Variants in TERB2 observed in about 807,000 individuals in gnomAD.
TERB2 encodes telomere repeats-binding bouquet formation protein 2.
Under a neutral mutation model 29.8 loss-of-function variants are expected in TERB2, and 26 were observed. The ratio of observed to expected loss-of-function variants is 0.87; its 90% CI spans 0.64 to 1.21. TERB2 has a LOEUF of 1.21. Among genes scored for constraint, TERB2 ranks in the 50% most tolerant of loss-of-function variants. TERB2 has a pLI of 0.00. For missense variants in TERB2, 240 were observed against 268.6 expected (o/e 0.89, Z 0.74); for synonymous variants, 80 against 90.8 (o/e 0.88, Z 0.68).
At chr15:44,969,740 G>A (rs1891941454) in intron 5 of TERB2, among the ~76,000 whole-genome samples, 1 of 151,116 alleles carries the variant, frequency 6.6e-6, no homozygotes, top group Non-Finnish European at 1.5e-5. Flanking sequence ...TTTGCAGTGA[G>A]CTATCTATGG....
intron 6 of TERB2, among the ~76,000 whole-genome samples, chr15:44,975,507 GA>G (rs2141245428): frequency 6.6e-6 from 1 of 152,094 alleles, no homozygotes; most frequent in African/African-American, 2.4e-5. Context: ...TTAAATTTCT[GA>G]AAATAGAATT....
intron 5 of TERB2, among the ~76,000 whole-genome samples, chr15:44,967,118 A>G (rs1295556861): frequency 1.3e-5 from 2 of 152,242 alleles, no homozygotes; most frequent in Non-Finnish European, 2.9e-5. Context: ...CAAGAAATTA[A>G]TTTAAAAAGA....
chr15:44,973,100 C>G (rs1017117750), intron 5 of TERB2, among the ~76,000 whole-genome samples: 1 of 151,824 alleles, frequency 6.6e-6, no homozygotes, highest in Admixed American at 6.6e-5. Context: ...AGGCTGGTCT[C>G]GAACTCCTGA....
chr15:44,977,299 A>G (rs1892060678), intron 6 of TERB2, among the ~76,000 whole-genome samples: 1 of 152,196 alleles, frequency 6.6e-6, no homozygotes, highest in Non-Finnish European at 1.5e-5. Flanking sequence ...ATTTCATCCT[A>G]AAGTCCTTAA....
chr15:44,959,939 C>T (rs992359714), intron 3 of TERB2, among the ~76,000 whole-genome samples: 12 of 152,278 alleles, frequency 7.9e-5, no homozygotes, highest in African/African-American at 2.9e-4. Flanking sequence ...TGGTTCCTTC[C>T]ATAGTCAATG....
Position 44,978,788 on chromosome 15 carries a change from T to C in TERB2, c.*160T>C, listed in dbSNP as rs1892082890. On this transcript the variant is annotated 3_prime_UTR_variant, in exon 7 of 7. Coordinates refer to ENST00000340827, the MANE Select transcript of TERB2 (RefSeq NM_152448.3). Reference sequence around the variant, plus strand: ...TTTAGGAAATACAGAATCATTTTGGTTCTGTGTTTTGACATTTTTCCCCTA... The same window carrying C: ...TTTAGGAAATACAGAATCATTTTGGCTCTGTGTTTTGACATTTTTCCCCTA... 1.9e-6 allele frequency: 2 copies of C among 1,038,242 alleles called. No homozygotes were observed. The highest frequency in any genetic ancestry group is 7.1e-5 in the South Asian group (2 of 28,158). 64.3% of individuals were successfully genotyped at this position (1,038,242 alleles called of 1,614,324 possible).
At chr15:44,976,590 G>T (rs1468857916) in intron 6 of TERB2, among the ~76,000 whole-genome samples, 1 of 152,150 alleles carries the variant, frequency 6.6e-6, no homozygotes, top group Non-Finnish European at 1.5e-5. Context: ...TATGCCATTG[G>T]TTATACAGAT....
intron 5 of TERB2, chr15:44,970,597 T>A (rs1300630737): frequency 1.2e-5 from 2 of 164,486 alleles, no homozygotes; most frequent in Non-Finnish European, 2.7e-5. Flanking sequence ...GTCTTCCTCA[T>A]ACAGATAGGT....
intron 4 of TERB2, among the ~76,000 whole-genome samples, chr15:44,963,760 T>C (rs976951387): frequency 2.7e-5 from 4 of 150,728 alleles, no homozygotes; most frequent in African/African-American, 9.9e-5. Context: ...ATGTTAACAC[T>C]TTGTGAATCT....
chr15:44,977,709 T>A (rs1892066153), intron 6 of TERB2, among the ~76,000 whole-genome samples: 1 of 152,230 alleles, frequency 6.6e-6, no homozygotes, highest in African/African-American at 2.4e-5. Context: ...GATATCCTGT[T>A]GATCTTGATG....
In TERB2 at chr15:44,956,996, C is replaced by T; in HGVS notation, c.146+19C>T. ...CGCTGAGGTACTGAGGGCGACCTGG[C>T]AGTGCCTCTTATGTTAGGATGAGCC... On this transcript the variant is annotated intron_variant, in intron 2 of 6. Coordinates refer to ENST00000340827, the MANE Select transcript of TERB2 (RefSeq NM_152448.3). 1 of 1,602,902 alleles carries T rather than the reference C, an allele frequency of 6.2e-7. No individual in the cohort carries two copies. The highest frequency in any genetic ancestry group is 1.1e-5 in the South Asian group (1 of 90,848).
intron 3 of TERB2, among the ~76,000 whole-genome samples, chr15:44,960,470 T>G (rs1209897917): frequency 6.6e-6 from 1 of 152,190 alleles, no homozygotes; most frequent in Non-Finnish European, 1.5e-5. Flanking sequence ...CCCCTGTGAA[T>G]AGCCACTGCA....
intron 4 of TERB2, among the ~76,000 whole-genome samples, chr15:44,963,533 A>G (rs1458631325): frequency 1.3e-5 from 2 of 152,076 alleles, no homozygotes; most frequent in Admixed American, 1.3e-4. Flanking sequence ...AGACATTTGG[A>G]GAGCAATTGG....
intron 3 of TERB2, among the ~76,000 whole-genome samples, chr15:44,960,190 G>C (rs532943144): frequency 3.3e-5 from 5 of 152,266 alleles, no homozygotes; most frequent in Non-Finnish European, 7.4e-5. Context: ...ATGTTAACAT[G>C]TATTTAAATT....
At chr15:44,956,867 A>G in intron 1 of TERB2, 29 bp from the exon 2 acceptor site, 1 of 1,612,342 alleles carries the variant, frequency 6.2e-7, no homozygotes, top group Non-Finnish European at 8.5e-7. Context: ...GGTGCTTGAT[A>G]GGTTCACCCT....
intron 4 of TERB2, among the ~76,000 whole-genome samples, chr15:44,964,899 C>T (rs1233738997): frequency 2.0e-5 from 3 of 151,800 alleles, no homozygotes; most frequent in Admixed American, 1.3e-4. Flanking sequence ...CAGTGGGTCG[C>T]GCCTGTAATC....
intron 5 of TERB2, chr15:44,971,296 A>G (rs1457055995): frequency 1.3e-5 from 2 of 152,182 alleles, no homozygotes; most frequent in African/African-American, 2.4e-5. Flanking sequence ...CCTCCACTTA[A>G]CCAGCGAAAG....
At chr15:44,975,005 T>C (rs1452929164) in intron 6 of TERB2, among the ~76,000 whole-genome samples, 1 of 152,176 alleles carries the variant, frequency 6.6e-6, no homozygotes, top group Non-Finnish European at 1.5e-5. Flanking sequence ...CTGCTTTTTG[T>C]ATTATTGCTG....
chr15:44,959,646 G>A (rs1891771826), intron 3 of TERB2, among the ~76,000 whole-genome samples: 1 of 152,174 alleles, frequency 6.6e-6, no homozygotes. Flanking sequence ...GGGAATACAG[G>A]CATGAGCCAT....
Sources: allele counts gnomAD v4.1 joint callset (sites outside exome capture counted in the v4.1 genomes callset), GRCh38; gene constraint gnomAD v4.1.1; transcripts MANE v1.5; gene names NCBI Gene and HGNC (gene_info 2026-07-23, HGNC 2026-07-21).